Variants in ALK observed in about 807,000 individuals in gnomAD.
ALK encodes ALK receptor tyrosine kinase.
ALK carries 74 observed loss-of-function variants against 163.1 expected under a neutral mutation model. The ratio of observed to expected loss-of-function variants is 0.45; its 90% CI spans 0.38 to 0.55. ALK has a LOEUF of 0.55. Ranked by LOEUF, ALK falls within the 20% of genes least tolerant of loss-of-function variation. The probability of loss-of-function intolerance (pLI) is 0.00; values close to 1 mark genes in which losing one functional copy is unlikely to be tolerated. For synonymous variants in ALK, 960 were observed against 843.2 expected (o/e 1.14, Z -2.40); for missense variants, 2,063 against 2,105.3 (o/e 0.98, Z 0.39).
chr2:29,865,866 AGTAAGACAG>A (rs1239850692), intron 1 of ALK, among the ~76,000 whole-genome samples: 1 of 152,164 alleles, frequency 6.6e-6, no homozygotes, highest in Non-Finnish European at 1.5e-5. Flanking sequence ...TCATATTGCC[AGTAAGACAG>A]GAGTCAGGAC....
At chr2:29,761,544 G>A (rs1680700654) in intron 1 of ALK, among the ~76,000 whole-genome samples, 1 of 152,232 alleles carries the variant, frequency 6.6e-6, no homozygotes, top group Non-Finnish European at 1.5e-5. Flanking sequence ...CACAAAGGAA[G>A]AGTCTGCACT....
At chr2:29,373,390 T>C (rs1490699246) in intron 5 of ALK, among the ~76,000 whole-genome samples, 2 of 152,244 alleles carry the variant, frequency 1.3e-5, no homozygotes, top group African/African-American at 4.8e-5. Flanking sequence ...TGCTCCAAAT[T>C]ACTTGTAAAA....
chr2:29,345,140 T>G (rs1162612528), intron 5 of ALK, among the ~76,000 whole-genome samples: 11 of 152,138 alleles, frequency 7.2e-5, no homozygotes. Context: ...ACATCTGTAA[T>G]CCCAGCACTT....
chr2:29,778,719 CCAT>C (rs1337507358), intron 1 of ALK, among the ~76,000 whole-genome samples: 1 of 152,002 alleles, frequency 6.6e-6, no homozygotes, highest in Non-Finnish European at 1.5e-5. Flanking sequence ...ACAACTCTGT[CCAT>C]CAAAAATTGA....
At chr2:29,651,824 T>G (rs1677045163) in intron 3 of ALK, among the ~76,000 whole-genome samples, 1 of 152,194 alleles carries the variant, frequency 6.6e-6, no homozygotes, top group East Asian at 1.9e-4. Flanking sequence ...CTCCTTGCAT[T>G]GCAATTGAAT....
chr2:29,824,195 A>G (rs1226402202), intron 1 of ALK, among the ~76,000 whole-genome samples: 2 of 152,202 alleles, frequency 1.3e-5, no homozygotes, highest in Non-Finnish European at 2.9e-5. Context: ...AAGTTTGGGA[A>G]CCTCTGCCTA....
intron 3 of ALK, among the ~76,000 whole-genome samples, chr2:29,591,099 A>T (rs1190783796): frequency 7.1e-6 from 1 of 140,924 alleles, no homozygotes; most frequent in Non-Finnish European, 1.5e-5. Context: ...AAAAAAAAAA[A>T]ATCCCACTGC....
intron 1 of ALK, among the ~76,000 whole-genome samples, chr2:29,876,762 G>T (rs1260851924): frequency 6.6e-6 from 1 of 150,742 alleles, no homozygotes; most frequent in South Asian, 2.1e-4. Context: ...GGTGGTGATG[G>T]TGATGATGAT....
chr2:29,437,081 T>C (rs1670419496), intron 4 of ALK, among the ~76,000 whole-genome samples: 1 of 152,218 alleles, frequency 6.6e-6, no homozygotes, highest in Admixed American at 6.5e-5. Context: ...TGCCTTCTAA[T>C]GGTGGCCTCT....
Position 29,844,063 on chromosome 2 carries a change from G to T in ALK, c.667+75930C>A, listed in dbSNP as rs563385584. On this transcript the variant is annotated intron_variant, in intron 1 of 28. Coordinates refer to ENST00000389048, the MANE Select transcript of ALK (RefSeq NM_004304.5). ...TCTGACATATAGGACTTGGTAAAGG[G>T]CATAGAATGGATGATCTGTTGTATA... is the stretch of plus-strand genomic sequence containing the variant. Among the ~76,000 whole-genome samples the T allele has an allele frequency of 5.6e-4, 86 of 152,232 alleles. 1 individual carries two copies. The highest frequency in any genetic ancestry group is 1.0e-4 in the Non-Finnish European group (7 of 68,036).
At chr2:29,524,744 G>A (rs1212561307) in intron 4 of ALK, among the ~76,000 whole-genome samples, 1 of 152,242 alleles carries the variant, frequency 6.6e-6, no homozygotes, top group East Asian at 1.9e-4. Context: ...AAAGAGAATG[G>A]ATGGATGGGT....
At chr2:29,826,210 T>C (rs1283285141) in intron 1 of ALK, among the ~76,000 whole-genome samples, 6 of 152,054 alleles carry the variant, frequency 3.9e-5, no homozygotes, top group African/African-American at 9.7e-5. Flanking sequence ...AGCCTCTCCA[T>C]ATGGGGTAGT....
rs1304210875 is a variant in ALK, at chr2:29,830,712, TTAAAAAAAAAAAAAAAAAAAA to T, written c.667+89260_667+89280del. Among the ~76,000 whole-genome samples the T allele has an allele frequency of 4.7e-3, 298 of 63,522 alleles. 14 individuals carry two copies. The highest frequency in any genetic ancestry group is 0.02 in the East Asian group (46 of 2,250). 41.7% of individuals were successfully genotyped at this position (63,522 alleles called of 152,430 possible). A position where few individuals can be genotyped will look rare whatever the true frequency, so the allele number is the denominator to read the frequency against. ...AGCAAGACCCTGTCTCTAAAATAGT[TTAAAAAAAAAAAAAAAAAAAA>T]AAAAAAAAAAAAAAAAAAAACTTAG... On this transcript the variant is annotated intron_variant, in intron 1 of 28. Coordinates refer to ENST00000389048, the MANE Select transcript of ALK (RefSeq NM_004304.5).
chr2:29,511,721 G>A (rs190691795), intron 4 of ALK, among the ~76,000 whole-genome samples: 2 of 152,298 alleles, frequency 1.3e-5, no homozygotes, highest in Admixed American at 1.3e-4. Flanking sequence ...TGTTCCAATT[G>A]TTTTTCCAAA....
intron 3 of ALK, among the ~76,000 whole-genome samples, chr2:29,656,973 C>T (rs746606423): frequency 4.6e-5 from 7 of 152,152 alleles, no homozygotes; most frequent in Non-Finnish European, 8.8e-5. Flanking sequence ...ACTTTTTCCT[C>T]CTAGAAAGCA....
At chr2:29,692,207 C>A (rs1678419029) in intron 3 of ALK, among the ~76,000 whole-genome samples, 1 of 152,124 alleles carries the variant, frequency 6.6e-6, no homozygotes, top group African/African-American at 2.4e-5. Flanking sequence ...AAAAATACAG[C>A]CTGACAATAG....
chr2:29,606,954 C>A (rs1489599520), intron 3 of ALK, among the ~76,000 whole-genome samples: 1 of 152,242 alleles, frequency 6.6e-6, no homozygotes, highest in Non-Finnish European at 1.5e-5. Context: ...TTTAAAGCCT[C>A]CAAGAAGTCT....
At chr2:29,707,381 C>G (rs529223235) in intron 2 of ALK, among the ~76,000 whole-genome samples, 3 of 152,114 alleles carry the variant, frequency 2.0e-5, no homozygotes, top group Admixed American at 6.5e-5. Context: ...GGGAAGGGTC[C>G]CAGTCCAGTT....
At chr2:29,665,243 T>A (rs1677480212) in intron 3 of ALK, among the ~76,000 whole-genome samples, 1 of 151,924 alleles carries the variant, frequency 6.6e-6, no homozygotes, top group Non-Finnish European at 1.5e-5. Context: ...CACCTCAGCC[T>A]CCCAAAGTGT....
Sources: gnomAD v4.1 joint callset for allele counts (sites outside exome capture counted in the v4.1 genomes callset) on GRCh38, gnomAD v4.1.1 for gene constraint, MANE v1.5 for transcripts, NCBI Gene and HGNC (gene_info 2026-07-23, HGNC 2026-07-21) for gene names.